Variants in VPS13B observed in about 807,000 individuals in gnomAD.
The protein encoded by VPS13B is vacuolar protein sorting 13 homolog B.
A neutral mutation model predicts 426.4 loss-of-function variants in VPS13B; 285 were observed. The observed-to-expected ratio is 0.67, with a 90% CI of 0.61 to 0.74. The LOEUF (loss-of-function observed/expected upper bound fraction) is 0.74. VPS13B is among the 30% of genes least tolerant of loss of function. The pLI is 0.00. For missense variants in VPS13B, 4,537 were observed against 4,782.6 expected (o/e 0.95, Z 1.51); for synonymous variants, 1,676 against 1,676.4 (o/e 1.00, Z 0.01).
At chr8:99,547,033 C>T (rs983117523) in intron 30 of VPS13B, among the ~76,000 whole-genome samples, 17 of 151,884 alleles carry the variant, frequency 1.1e-4, no homozygotes, top group Non-Finnish European at 2.5e-4. Context: ...CTGTGCTCAC[C>T]TTGGTTCAGA....
chr8:99,734,629 G>A (rs1452602623), intron 39 of VPS13B, among the ~76,000 whole-genome samples: 1 of 152,178 alleles, frequency 6.6e-6, no homozygotes, highest in African/African-American at 2.4e-5. Context: ...ATTCTGTGAA[G>A]GTAGTCATTA....
At chr8:99,316,680 T>A (rs1309281649) in intron 19 of VPS13B, among the ~76,000 whole-genome samples, 2 of 152,194 alleles carry the variant, frequency 1.3e-5, no homozygotes, top group Non-Finnish European at 2.9e-5. Context: ...TTTTCCTTCC[T>A]TTCTTGTGTT....
At chr8:99,272,705 AT>A (rs1818664222) in intron 17 of VPS13B, among the ~76,000 whole-genome samples, 1 of 152,110 alleles carries the variant, frequency 6.6e-6, no homozygotes, top group Non-Finnish European at 1.5e-5. Context: ...GTGCTTTTAT[AT>A]CCTTTAGCAA....
At chr8:99,604,042 C>T (rs979405765) in intron 33 of VPS13B, among the ~76,000 whole-genome samples, 1 of 152,074 alleles carries the variant, frequency 6.6e-6, no homozygotes, top group African/African-American at 2.4e-5. Context: ...CATAAAAACA[C>T]AATGTAAATT....
intron 36 of VPS13B, among the ~76,000 whole-genome samples, chr8:99,714,348 T>TA (rs1300645446): frequency 1.3e-5 from 2 of 152,052 alleles, no homozygotes; most frequent in Admixed American, 6.5e-5. Context: ...ACAGCTGTAG[T>TA]ATATGTGCTA....
chr8:99,157,093 G>C (rs1393525058), intron 15 of VPS13B, among the ~76,000 whole-genome samples: 1 of 152,058 alleles, frequency 6.6e-6, no homozygotes, highest in Non-Finnish European at 1.5e-5. Context: ...TTTGAAGGGA[G>C]CATTTGTGTG....
chr8:99,865,374 T>C (rs1817047293), intron 58 of VPS13B, among the ~76,000 whole-genome samples: 1 of 152,220 alleles, frequency 6.6e-6, no homozygotes, highest in Admixed American at 6.5e-5. Flanking sequence ...TGACCCCCAC[T>C]TCTTTTGGGA....
chr8:99,013,455 G>C (rs1841428394), intron 1 of VPS13B, 108 bp downstream of exon 1: 2 of 366,598 alleles, frequency 5.5e-6, no homozygotes, highest in Non-Finnish European at 1.0e-5. Flanking sequence ...AGGGCCTCGC[G>C]GGGTGGCTGG....
At chr8:99,308,407 C>T (rs943838186) in intron 19 of VPS13B, among the ~76,000 whole-genome samples, 14 of 152,092 alleles carry the variant, frequency 9.2e-5, no homozygotes, top group Admixed American at 3.3e-4. Context: ...TCAATTCCCA[C>T]CTATGAGTGA....
intron 17 of VPS13B, among the ~76,000 whole-genome samples, chr8:99,227,269 C>T (rs544023446): frequency 6.6e-6 from 1 of 152,214 alleles, no homozygotes; most frequent in Admixed American, 6.5e-5. Flanking sequence ...AAGTCTTCCC[C>T]TCCCTGTTTC....
chr8:99,794,820 T>A (rs1048402533), intron 43 of VPS13B, among the ~76,000 whole-genome samples: 1 of 152,222 alleles, frequency 6.6e-6, no homozygotes, highest in Admixed American at 6.5e-5. Context: ...AGATAAGCCC[T>A]TCTCTACTTT....
chr8:99,453,315 A>G (rs1257312078), intron 23 of VPS13B, among the ~76,000 whole-genome samples: 1 of 152,128 alleles, frequency 6.6e-6, no homozygotes, highest in East Asian at 1.9e-4. Flanking sequence ...AGTGTGTTTG[A>G]CTTTAATCCT....
intron 17 of VPS13B, among the ~76,000 whole-genome samples, chr8:99,243,259 T>G (rs982219508): frequency 2.6e-5 from 4 of 152,220 alleles, no homozygotes; most frequent in African/African-American, 9.6e-5. Flanking sequence ...CTGAATGAAC[T>G]CTTGATCAGG....
chr8:99,328,618 A>G (rs1318772018), intron 19 of VPS13B, among the ~76,000 whole-genome samples: 2 of 152,172 alleles, frequency 1.3e-5, no homozygotes, highest in Non-Finnish European at 2.9e-5. Flanking sequence ...ACAAGTTTCA[A>G]GTATTTGCAA....
chr8:99,472,846 T>C (rs1117459), intron 24 of VPS13B, among the ~76,000 whole-genome samples: 26,498 of 150,990 alleles, frequency 0.18, 2,844 homozygotes, highest in East Asian at 0.39. Context: ...TAAAGGGGAG[T>C]TGATAACATT....
At chr8:99,433,140 T>G (rs542145505) in intron 22 of VPS13B, among the ~76,000 whole-genome samples, 1 of 152,366 alleles carries the variant, frequency 6.6e-6, no homozygotes, top group South Asian at 2.1e-4. Flanking sequence ...TTCTCTCCTG[T>G]AGCTGTAGCT....
intron 33 of VPS13B, among the ~76,000 whole-genome samples, chr8:99,587,430 C>G (rs1826362914): frequency 2.0e-5 from 3 of 151,764 alleles, no homozygotes; most frequent in South Asian, 2.1e-4. Flanking sequence ...CTAGTTTATA[C>G]TCCCACCAAC....
At chr8:99,785,440 G>T (rs1812210947) in intron 43 of VPS13B, among the ~76,000 whole-genome samples, 1 of 152,026 alleles carries the variant, frequency 6.6e-6, no homozygotes, top group South Asian at 2.1e-4. Context: ...TATACAATTT[G>T]GAAAAGTAAA....
At chr8:99,616,767 G>T (rs544553928) in intron 33 of VPS13B, among the ~76,000 whole-genome samples, 1 of 152,356 alleles carries the variant, frequency 6.6e-6, no homozygotes, top group East Asian at 1.9e-4. Flanking sequence ...CGAAGTTGCG[G>T]TGAGCCGAGA....
Sources: gnomAD v4.1 joint callset for allele counts (sites outside exome capture counted in the v4.1 genomes callset) on GRCh38, gnomAD v4.1.1 for gene constraint, MANE v1.5 for transcripts, NCBI Gene and HGNC (gene_info 2026-07-23, HGNC 2026-07-21) for gene names.